TSPAN11: variants seen among roughly 807,000 people sequenced by gnomAD.
TSPAN11 encodes tetraspanin 11.
TSPAN11 carries 29 observed loss-of-function variants against 32.9 expected under a neutral mutation model. The observed-to-expected ratio is 0.88, with a 90% CI of 0.66 to 1.20. The LOEUF (loss-of-function observed/expected upper bound fraction) is 1.20, where lower values mean the gene tolerates loss of function less well. TSPAN11 is among the 50% of genes most tolerant of loss of function. The pLI is 0.00. For missense variants in TSPAN11, 283 were observed against 329.1 expected (o/e 0.86, Z 1.08); for synonymous variants, 140 against 141.3 (o/e 0.99, Z 0.07).
chr12:30,961,138 A>G (rs1938605420), intron 2 of TSPAN11, among the ~76,000 whole-genome samples: 1 of 151,870 alleles, frequency 6.6e-6, no homozygotes, highest in South Asian at 2.1e-4. Context: ...GTTGTTGAAT[A>G]GTTCACTGGG....
At chr12:31,005,991 G>A in the TSPAN11 span, 1 of 153,152 alleles carries the variant, frequency 6.5e-6, no homozygotes, top group Non-Finnish European at 1.5e-5. Context: ...AATGTCCATG[G>A]AATGGAGAAA....
chr12:30,985,016 A>G (rs531667756), intron 7 of TSPAN11, among the ~76,000 whole-genome samples: 18 of 152,214 alleles, frequency 1.2e-4, no homozygotes, highest in Non-Finnish European at 1.9e-4. Flanking sequence ...GAAGCAGGGG[A>G]CAGTGGCCTT....
At chr12:30,961,133 T>C (rs1357027025) in intron 2 of TSPAN11, among the ~76,000 whole-genome samples, 1 of 151,892 alleles carries the variant, frequency 6.6e-6, no homozygotes, top group African/African-American at 2.4e-5. Context: ...CAATGGTTGT[T>C]GAATAGTTCA....
intron 3 of TSPAN11, among the ~76,000 whole-genome samples, chr12:30,976,644 T>C (rs2140301372): frequency 6.6e-6 from 1 of 152,248 alleles, no homozygotes; most frequent in Non-Finnish European, 1.5e-5. Context: ...GGAAAGTCCG[T>C]AGGGCAGAGG....
chr12:31,009,955 A>G, the TSPAN11 span, among the ~76,000 whole-genome samples: 1 of 152,216 alleles, frequency 6.6e-6, no homozygotes, highest in Admixed American at 6.5e-5. Context: ...TGTATGAGAT[A>G]GGTAAGACAA....
chr12:30,952,685 T>C (rs1335041574), intron 1 of TSPAN11, among the ~76,000 whole-genome samples: 5 of 151,804 alleles, frequency 3.3e-5, no homozygotes, highest in East Asian at 1.9e-4. Flanking sequence ...GATGGTCCAG[T>C]TGGGGGTTGG....
At chr12:31,013,539 T>A in the TSPAN11 span, among the ~76,000 whole-genome samples, 2 of 151,946 alleles carry the variant, frequency 1.3e-5, no homozygotes, top group Non-Finnish European at 2.9e-5. Context: ...CAGTGAGCCA[T>A]GATCATGCCA....
At chr12:30,984,552 C>CTTTTTTTT (rs55772956) in intron 7 of TSPAN11, among the ~76,000 whole-genome samples, 41 of 68,574 alleles carry the variant, frequency 6.0e-4, no homozygotes, top group African/African-American at 6.9e-4. Flanking sequence ...TCGCTTTTTG[C>CTTTTTTTT]TTTTTTTTTT....
chr12:30,931,961 G>C (rs556524173), intron 1 of TSPAN11, among the ~76,000 whole-genome samples: 1 of 143,918 alleles, frequency 6.9e-6, no homozygotes, highest in Admixed American at 6.9e-5. Flanking sequence ...CCCTAGCAAC[G>C]AGTGCAAAGC....
At chr12:30,987,934 T>C (rs1420288841) in intron 7 of TSPAN11, among the ~76,000 whole-genome samples, 1 of 152,260 alleles carries the variant, frequency 6.6e-6, no homozygotes, top group African/African-American at 2.4e-5. Context: ...AAGAACTTTT[T>C]AACAATTTGA....
chr12:30,960,354 C>T (rs1485029182), intron 2 of TSPAN11, among the ~76,000 whole-genome samples: 4 of 151,972 alleles, frequency 2.6e-5, no homozygotes, highest in Non-Finnish European at 4.4e-5. Context: ...GCCATGGGCT[C>T]CTCCTCACTG....
Position 30,964,004 on chromosome 12 carries a change from G to C in TSPAN11, c.263G>C (p.Gly88Ala), listed in dbSNP as rs1207387988. ...GGTGCCATCCTCTGGGAGCGGAAGGGCTGCCTCTCCACGGTCAGTGCCCGC... is the reference window on the plus strand; with the variant it reads ...GGTGCCATCCTCTGGGAGCGGAAGGCCTGCCTCTCCACGGTCAGTGCCCGC... Reference protein sequence around the residue: ...GFGAILWERKGCLSTYFCLLL... With the variant: ...GFGAILWERKACLSTYFCLLL... The change falls in exon 3 of 8, where the codon GGC becomes GCC. Residue 88 changes from glycine to alanine, a missense_variant. Coordinates refer to ENST00000546076, the MANE Select transcript of TSPAN11 (RefSeq NM_001370302.1). The C allele has an allele frequency of 6.2e-7, 1 of 1,613,510 alleles. No homozygotes were observed. Among genetic ancestry groups the C allele is most frequent in the Admixed American group, 1.7e-5 (1 of 60,018 alleles).
chr12:31,008,280 G>A, the TSPAN11 span, among the ~76,000 whole-genome samples: 20 of 152,252 alleles, frequency 1.3e-4, no homozygotes, highest in Middle Eastern at 6.8e-3. Context: ...AACAATTCAG[G>A]TTCCTCTGCT....
Position 30,926,812 on chromosome 12 carries a change from C to A in TSPAN11, c.-12+16C>A. ...CCCTGGCAGGGTAAGTGCAGAAGCG[C>A]GCCCGAGGAGTGGGGGCGCCGCGGG... On this transcript the variant is annotated intron_variant, in intron 1 of 7. Coordinates refer to ENST00000546076, the MANE Select transcript of TSPAN11 (RefSeq NM_001370302.1). 1 of 561,662 alleles carries A rather than the reference C, an allele frequency of 1.8e-6. No individual in the cohort carries two copies. The highest frequency in any genetic ancestry group is 2.6e-6 in the Non-Finnish European group (1 of 381,366). The allele number at this position is 561,662 out of a possible 1,614,324, so 34.8% of individuals were successfully genotyped here.
Position 30,982,571 on chromosome 12 carries a change from C to A in TSPAN11, c.496C>A (p.His166Asn). The change falls in exon 6 of 8, where the codon CAC becomes AAC. Residue 166 changes from histidine to asparagine, a missense_variant. His to Asn is a moderately conservative substitution (Grantham distance 68). Transcript: ENST00000546076. Reference sequence around the variant, plus strand: ...AAGCAACAGCTCAGCCGACTGGCAGCACAGCACGTACATCCTGTTGCGGGA... The same window carrying A: ...AAGCAACAGCTCAGCCGACTGGCAGAACAGCACGTACATCCTGTTGCGGGA... ...CGSNSSADWQ[H>N]STYILLREAE... The A allele has an allele frequency of 6.2e-7, 1 of 1,612,706 alleles. No homozygotes were observed. The highest frequency in any genetic ancestry group is 8.5e-7 in the Non-Finnish European group (1 of 1,179,420).
intron 2 of TSPAN11, chr12:30,954,581 G>C (rs1938445064): frequency 6.0e-6 from 1 of 165,958 alleles, no homozygotes; most frequent in African/African-American, 2.4e-5. Flanking sequence ...GCCTGGGTGA[G>C]GTCTTCCAGA....
chr12:31,001,325 C>A (rs115326407), downstream of TSPAN11, among the ~76,000 whole-genome samples: 1,077 of 152,308 alleles, frequency 7.1e-3, 11 homozygotes, highest in African/African-American at 0.025. Flanking sequence ...ACTAACACAT[C>A]CTGTCTTCAG....
rs1056979824 is a variant in TSPAN11, at chr12:30,975,400, C to G, written c.277-3161C>G. ...GCACCTGTGCCCACCAGCACCCGGC[C>G]TCAGTCCCCTTGAAGCCCCAGGCCA... On this transcript the variant is annotated intron_variant, in intron 3 of 7. Coordinates refer to ENST00000546076, the MANE Select transcript of TSPAN11 (RefSeq NM_001370302.1). The surrounding 1 kb of genome is among the most constrained non-coding windows in gnomAD (Gnocchi z 4.5). 6.6e-6 allele frequency among the ~76,000 whole-genome samples: 1 copy of G among 152,108 alleles called. No individual in the cohort carries two copies. The highest frequency in any genetic ancestry group is 2.4e-5 in the African/African-American group (1 of 41,412).
intron 4 of TSPAN11, among the ~76,000 whole-genome samples, chr12:30,979,193 T>C (rs982473436): frequency 2.0e-5 from 3 of 152,188 alleles, no homozygotes; most frequent in African/African-American, 7.2e-5. Flanking sequence ...ATTATAAGTA[T>C]TTTCAATATC....
Sources: allele counts gnomAD v4.1 joint callset (sites outside exome capture counted in the v4.1 genomes callset), GRCh38; gene constraint gnomAD v4.1.1; non-coding constraint Gnocchi (gnomAD v3.1); transcripts MANE v1.5; gene names NCBI Gene and HGNC (gene_info 2026-07-23, HGNC 2026-07-21).